The following DDAH1 variants were observed in gnomAD, a reference collection of about 807,000 sequenced individuals.
DDAH1 encodes dimethylarginine dimethylaminohydrolase 1, also known as N(G),N(G)-dimethylarginine dimethylaminohydrolase 1.
In DDAH1, 19 loss-of-function variants were observed where a neutral mutation model predicts 28.8. That is an observed-to-expected ratio of 0.66 (90% CI 0.46 to 0.97). DDAH1 has a LOEUF of 0.97. Ranked by LOEUF, DDAH1 falls within the 50% of genes least tolerant of loss-of-function variation. The probability of loss-of-function intolerance (pLI) is 0.00; values close to 1 mark genes in which losing one functional copy is unlikely to be tolerated. For synonymous variants in DDAH1, 153 were observed against 154.4 expected, an observed-to-expected ratio of 0.99 and a Z score of 0.07; for missense variants, 326 against 375.9, an observed-to-expected ratio of 0.87 and a Z score of 1.10.
At chr1:85,477,341 G>A (rs910820648) in intron 2 of DDAH1, among the ~76,000 whole-genome samples, 6 of 152,114 alleles carry the variant, frequency 3.9e-5, no homozygotes, top group Non-Finnish European at 8.8e-5. Flanking sequence ...CCCAATGACA[G>A]GGGGCCTGTC....
intron 1 of DDAH1, among the ~76,000 whole-genome samples, chr1:85,405,125 T>C (rs1264135044): frequency 6.6e-6 from 1 of 152,220 alleles, no homozygotes; most frequent in Non-Finnish European, 1.5e-5. Context: ...ATCAGTTTTA[T>C]GTAGCTGCCA....
At chr1:85,424,162 G>A (rs1163619183) in intron 1 of DDAH1, among the ~76,000 whole-genome samples, 1 of 151,976 alleles carries the variant, frequency 6.6e-6, no homozygotes, top group Non-Finnish European at 1.5e-5. Context: ...AGAACTATTG[G>A]CCTATAGGCC....
intron 1 of DDAH1, chr1:85,399,114 C>A (rs1651949384): frequency 6.6e-6 from 1 of 152,126 alleles, no homozygotes; most frequent in South Asian, 2.1e-4. Context: ...TCCGGCCTGG[C>A]TCATTCTTTG....
At chr1:85,564,935 G>A (rs895091559) in intron 1 of DDAH1, among the ~76,000 whole-genome samples, 3 of 151,756 alleles carry the variant, frequency 2.0e-5, no homozygotes, top group Admixed American at 6.6e-5. Flanking sequence ...AGTGGCTCAC[G>A]CCTGTAATTC....
intron 2 of DDAH1, among the ~76,000 whole-genome samples, chr1:85,483,965 G>A (rs1240837288): frequency 2.0e-5 from 3 of 152,298 alleles, no homozygotes; most frequent in African/African-American, 7.2e-5. Flanking sequence ...TGGTGCCTAA[G>A]GGGCTGGGGT....
chr1:85,386,982 G>C (rs556084136), intron 1 of DDAH1, among the ~76,000 whole-genome samples: 1 of 152,184 alleles, frequency 6.6e-6, no homozygotes, highest in Non-Finnish European at 1.5e-5. Context: ...AGCAGGGACT[G>C]GGGGGTAGTG....
chr1:85,424,530 G>A (rs1653301772), intron 1 of DDAH1, among the ~76,000 whole-genome samples: 1 of 152,084 alleles, frequency 6.6e-6, no homozygotes, highest in African/African-American at 2.4e-5. Flanking sequence ...TGTAGATACA[G>A]AGATAGTCTG....
chr1:85,328,405 C>G (rs1397349334), intron 4 of DDAH1, among the ~76,000 whole-genome samples: 1 of 152,190 alleles, frequency 6.6e-6, no homozygotes, highest in African/African-American at 2.4e-5. Context: ...GGGGCTGCCT[C>G]GATATGCAAG....
rs74096901 is a variant in DDAH1 at position 85,344,987 on chromosome 1, C to T, written c.597+5428G>A. Among the ~76,000 whole-genome samples the T allele has an allele frequency of 6.7e-3, 1,018 of 152,172 alleles. 10 individuals are homozygous for T. The highest frequency in any genetic ancestry group is 0.023 in the African/African-American group (961 of 41,516). On this transcript the variant is annotated intron_variant, in intron 4 of 5. Transcript: ENST00000284031. ...AATTATTTCTGTAAGTCAATCATAG[C>T]CTACTTCCAACAATGTAACATATAT... is the stretch of plus-strand genomic sequence containing the variant.
At chr1:85,359,922 T>A (rs1446262933) in intron 1 of DDAH1, among the ~76,000 whole-genome samples, 1 of 152,204 alleles carries the variant, frequency 6.6e-6, no homozygotes, top group African/African-American at 2.4e-5. Flanking sequence ...TTAATTCAAG[T>A]CCTTCCAGTA....
intron 2 of DDAH1, among the ~76,000 whole-genome samples, chr1:85,474,931 G>C (rs117124312): frequency 1.1e-3 from 171 of 152,298 alleles, no homozygotes; most frequent in East Asian, 0.01. Flanking sequence ...TGTCACAGCT[G>C]TGTGATCTTG....
chr1:85,404,451 C>A, intron 1 of DDAH1: 1 of 1,531,136 alleles, frequency 6.5e-7, no homozygotes, highest in Non-Finnish European at 8.7e-7. Context: ...ATCTTTTCAA[C>A]AGATTCCCTG....
intron 1 of DDAH1, among the ~76,000 whole-genome samples, chr1:85,522,331 T>A (rs530344806): frequency 2.8e-4 from 20 of 72,108 alleles, no homozygotes; most frequent in Admixed American, 1.6e-3. Flanking sequence ...TCATAAAAAT[T>A]CCATGCTATT....
At chr1:85,325,369 A>G (rs879772483) in intron 4 of DDAH1, among the ~76,000 whole-genome samples, 6 of 147,044 alleles carry the variant, frequency 4.1e-5, no homozygotes, top group Non-Finnish European at 9.1e-5. Context: ...GCGCGCGCGC[A>G]CACACACACG....
intron 4 of DDAH1, among the ~76,000 whole-genome samples, chr1:85,329,189 G>A (rs1315658733): frequency 6.6e-6 from 1 of 152,218 alleles, no homozygotes; most frequent in Admixed American, 6.5e-5. Context: ...ATTGTTATCA[G>A]TGCTGACTTC....
intron 1 of DDAH1, among the ~76,000 whole-genome samples, chr1:85,531,860 A>G (rs1281823827): frequency 4.7e-5 from 7 of 148,760 alleles, no homozygotes; most frequent in Non-Finnish European, 7.5e-5. Flanking sequence ...AAGTTAACCA[A>G]TCTGCTTAAA....
intron 1 of DDAH1, among the ~76,000 whole-genome samples, chr1:85,412,477 G>A (rs184354784): frequency 8.5e-4 from 129 of 152,234 alleles, no homozygotes; most frequent in African/African-American, 3.0e-3. Context: ...GCCTTTGCTC[G>A]GTTATTTCTT....
In DDAH1 at chr1:85,541,135, T is replaced by C. The variant is rs564136499; in HGVS notation, c.-123+36849A>G. Among the ~76,000 whole-genome samples, 17 of 152,230 alleles carry C rather than the reference T, an allele frequency of 1.1e-4. No homozygotes were observed. In the South Asian group the frequency reaches 2.7e-3, roughly 24 times the overall value. ...ATGTCACCACTATTCAGCCAAGAAT[T>C]GAGATGTCGTGTTTCAAGAGACGTT... On this transcript the variant is annotated intron_variant, in intron 1 of 6. Coordinates refer to the DDAH1 transcript ENST00000426972.
rs374704826 is a variant in DDAH1, at chr1:85,456,088, C to A, written c.303+8655G>T. Among the ~76,000 whole-genome samples, 592 of 148,180 alleles carry A rather than the reference C, an allele frequency of 4.0e-3. 4 individuals are homozygous for A. Among genetic ancestry groups the A allele is most frequent in the African/African-American group, 0.014 (571 of 40,466 alleles). ...CTTTCTCTCCCCTACAACCCGGGTTCCAAAAAGAAAAAAAAAAAATCCCTC... is the reference window on the plus strand; with the variant it reads ...CTTTCTCTCCCCTACAACCCGGGTTACAAAAAGAAAAAAAAAAAATCCCTC... On this transcript the variant is annotated intron_variant, in intron 1 of 5. Coordinates refer to ENST00000284031, the MANE Select transcript of DDAH1 (RefSeq NM_012137.4).
Sources: gnomAD v4.1 joint callset for allele counts (sites outside exome capture counted in the v4.1 genomes callset) on GRCh38, gnomAD v4.1.1 for gene constraint, MANE v1.5 for transcripts, NCBI Gene and HGNC (gene_info 2026-07-23, HGNC 2026-07-21) for gene names.